Variants in KIAA1328 observed in about 807,000 individuals in gnomAD.
KIAA1328 encodes the protein protein hinderin.
Under a neutral mutation model 68.1 loss-of-function variants are expected in KIAA1328, and 52 were observed. The ratio of observed to expected loss-of-function variants is 0.76; its 90% CI spans 0.61 to 0.96. The LOEUF is 0.96. Ranked by LOEUF, KIAA1328 falls within the 40% of genes least tolerant of loss-of-function variation. The pLI is 0.00. For synonymous variants in KIAA1328, 232 were observed against 239.4 expected, an observed-to-expected ratio of 0.97 and a Z score of 0.28; for missense variants, 641 against 677.6, an observed-to-expected ratio of 0.95 and a Z score of 0.60.
intron 4 of KIAA1328, among the ~76,000 whole-genome samples, chr18:36,861,605 A>G (rs933886828): frequency 3.3e-5 from 5 of 151,976 alleles, no homozygotes; most frequent in Non-Finnish European, 2.9e-5. Flanking sequence ...CTTTTGCCCT[A>G]TTTATTTATT....
At chr18:37,207,473 C>A (rs2060237154) in intron 9 of KIAA1328, among the ~76,000 whole-genome samples, 2 of 152,094 alleles carry the variant, frequency 1.3e-5, no homozygotes, top group South Asian at 4.1e-4. Flanking sequence ...CAAAAGTGAC[C>A]AAGGTCATGT....
chr18:37,037,091 T>C (rs976047292), intron 6 of KIAA1328, among the ~76,000 whole-genome samples: 1 of 152,214 alleles, frequency 6.6e-6, no homozygotes, highest in Non-Finnish European at 1.5e-5. Context: ...TAGTAAATTT[T>C]ATTTATTTTT....
At chr18:36,982,856 A>T (rs191252916) in intron 6 of KIAA1328, among the ~76,000 whole-genome samples, 2 of 152,182 alleles carry the variant, frequency 1.3e-5, no homozygotes, top group East Asian at 3.9e-4. Context: ...CATTAAGGGA[A>T]AAATGAAGGT....
intron 7 of KIAA1328, among the ~76,000 whole-genome samples, chr18:37,132,696 G>A (rs2058550795): frequency 6.6e-6 from 1 of 152,152 alleles, no homozygotes; most frequent in Non-Finnish European, 1.5e-5. Context: ...TATAGGAATA[G>A]GGCTCCTTTT....
chr18:36,928,013 A>G (rs1424593685), intron 5 of KIAA1328, among the ~76,000 whole-genome samples: 3 of 152,216 alleles, frequency 2.0e-5, no homozygotes, highest in African/African-American at 4.8e-5. Flanking sequence ...CAGATTTTCT[A>G]TGGCGTAGAA....
intron 5 of KIAA1328, among the ~76,000 whole-genome samples, chr18:36,887,584 G>A (rs2048543073): frequency 6.6e-6 from 1 of 152,060 alleles, no homozygotes; most frequent in Non-Finnish European, 1.5e-5. Context: ...CTTTATGAGA[G>A]CACTCCCTAC....
intron 7 of KIAA1328, among the ~76,000 whole-genome samples, chr18:37,128,040 C>T (rs563874408): frequency 6.6e-6 from 1 of 151,850 alleles, no homozygotes; most frequent in South Asian, 2.1e-4. Flanking sequence ...ACATTATATA[C>T]AAAAATTAAC....
In KIAA1328 at chr18:36,984,807, G is replaced by A. The variant is rs1307086079; in HGVS notation, c.576+25372G>A. On this transcript the variant is annotated intron_variant, in intron 6 of 9. Transcript: ENST00000280020. Reference sequence around the variant, plus strand: ...CGTAGTCCCAACTACTTAGGAGACTGAGTCAGGAGAATCACTTGAACCCAG... The same window carrying A: ...CGTAGTCCCAACTACTTAGGAGACTAAGTCAGGAGAATCACTTGAACCCAG... Among the ~76,000 whole-genome samples the A allele has an allele frequency of 2.0e-5, 3 of 149,964 alleles. No homozygotes were observed. In the East Asian group the frequency reaches 6.0e-4, roughly 30 times the overall value.
At chr18:37,033,491 T>A (rs550981778) in intron 6 of KIAA1328, among the ~76,000 whole-genome samples, 19 of 152,338 alleles carry the variant, frequency 1.2e-4, no homozygotes, top group African/African-American at 4.6e-4. Context: ...ACTGCTTAGC[T>A]CTTTCTGGTT....
At chr18:36,917,072 C>T (rs2049733765) in intron 5 of KIAA1328, among the ~76,000 whole-genome samples, 1 of 152,116 alleles carries the variant, frequency 6.6e-6, no homozygotes, top group Non-Finnish European at 1.5e-5. Flanking sequence ...TAAAAAATCC[C>T]TGCTCATAAC....
intron 7 of KIAA1328, among the ~76,000 whole-genome samples, chr18:37,124,612 A>G (rs2058348843): frequency 6.6e-6 from 1 of 152,108 alleles, no homozygotes; most frequent in Admixed American, 6.6e-5. Context: ...ATACTTCTCT[A>G]TTTCACATAC....
intron 7 of KIAA1328, among the ~76,000 whole-genome samples, chr18:37,152,556 C>T (rs575697525): frequency 4.6e-4 from 70 of 152,130 alleles, no homozygotes; most frequent in African/African-American, 1.6e-3. Context: ...TGTCCTGAGC[C>T]CAACAATCCT....
intron 1 of KIAA1328, 172 bp from the exon 2 acceptor site, chr18:36,834,148 T>C (rs1274622755): frequency 1.9e-6 from 2 of 1,069,406 alleles, no homozygotes; most frequent in Non-Finnish European, 2.4e-6. Context: ...ATTACTTTGC[T>C]TTCTAACTTT....
intron 5 of KIAA1328, among the ~76,000 whole-genome samples, chr18:36,893,763 G>T (rs1257251073): frequency 6.6e-6 from 1 of 152,006 alleles, no homozygotes; most frequent in African/African-American, 2.4e-5. Context: ...GACTATAGAA[G>T]TTGACAGAGG....
At position 36,834,450 on chromosome 18, in the gene KIAA1328, A is replaced by G. The variant is rs1470585846; in HGVS notation, c.94+95A>G. ...TTAGAACAATGTTGCGGGTATAAAT[A>G]ACTGAATGCAGAGCAGTACATCAAA... On this transcript the variant is annotated intron_variant, in intron 2 of 9. Transcript: ENST00000280020. 3.7e-6 allele frequency: 4 copies of G among 1,078,918 alleles called. No individual in the cohort carries two copies. In the East Asian group the frequency reaches 1.1e-4, roughly 30 times the overall value. The allele number at this position is 1,078,918 out of a possible 1,614,324, so 66.8% of individuals were successfully genotyped here.
chr18:36,969,742 C>G (rs1316544275), intron 6 of KIAA1328, among the ~76,000 whole-genome samples: 1 of 152,138 alleles, frequency 6.6e-6, no homozygotes, highest in African/African-American at 2.4e-5. Context: ...TGAAACGATT[C>G]TAACAAATTG....
intron 6 of KIAA1328, among the ~76,000 whole-genome samples, chr18:37,026,012 AGAC>A (rs2054562786): frequency 6.6e-6 from 1 of 152,186 alleles, no homozygotes; most frequent in Admixed American, 6.5e-5. Context: ...AGAATCCAAT[AGAC>A]GCAATAAAAA....
At chr18:37,134,252 C>A (rs2058591988) in intron 7 of KIAA1328, among the ~76,000 whole-genome samples, 1 of 152,132 alleles carries the variant, frequency 6.6e-6, no homozygotes, top group Non-Finnish European at 1.5e-5. Flanking sequence ...ACCTCATGAT[C>A]TGCCATCCTC....
chr18:37,002,385 T>G (rs145023025), intron 6 of KIAA1328, among the ~76,000 whole-genome samples: 9 of 151,896 alleles, frequency 5.9e-5, no homozygotes, highest in African/African-American at 2.2e-4. Flanking sequence ...ATTTTTAATT[T>G]TTTTATTTTT....
Sources: allele counts gnomAD v4.1 joint callset (sites outside exome capture counted in the v4.1 genomes callset), GRCh38; gene constraint gnomAD v4.1.1; transcripts MANE v1.5; gene names NCBI Gene and HGNC (gene_info 2026-07-23, HGNC 2026-07-21).